Variants in TENM2 observed in about 807,000 individuals in gnomAD.
TENM2 encodes teneurin-2.
TENM2 carries 52 observed loss-of-function variants against 245.2 expected under a neutral mutation model. That is an observed-to-expected ratio of 0.21 (90% CI 0.17 to 0.27). The LOEUF is 0.27. TENM2 is among the 10% of genes least tolerant of loss of function. TENM2 has a pLI of 1.00. For synonymous variants in TENM2, 1,363 were observed against 1,438.9 expected, an observed-to-expected ratio of 0.95 and a Z score of 1.19; for missense variants, 3,046 against 3,666.8, an observed-to-expected ratio of 0.83 and a Z score of 4.37.
chr5:167,769,961 G>T (rs978566297), intron 2 of TENM2, among the ~76,000 whole-genome samples: 4 of 152,066 alleles, frequency 2.6e-5, no homozygotes, highest in African/African-American at 4.8e-5. Context: ...ATTCACAATT[G>T]TATGGCTAGA....
At chr5:167,721,264 T>G (rs1240704617) in intron 2 of TENM2, 1 of 151,632 alleles carries the variant, frequency 6.6e-6, no homozygotes, top group Non-Finnish European at 1.5e-5. Flanking sequence ...AAAAAAAAAA[T>G]GATGAGGATT....
chr5:167,862,344 T>C (rs1028377089), intron 2 of TENM2, among the ~76,000 whole-genome samples: 3 of 152,154 alleles, frequency 2.0e-5, no homozygotes, highest in Admixed American at 2.0e-4. Flanking sequence ...ACATCTTCAT[T>C]ATCCAGCATA....
chr5:167,880,490 A>G (rs1773790296), intron 3 of TENM2, among the ~76,000 whole-genome samples: 1 of 152,098 alleles, frequency 6.6e-6, no homozygotes, highest in African/African-American at 2.4e-5. Context: ...CCTAGCAACC[A>G]AAGCAAAAAG....
intron 5 of TENM2, among the ~76,000 whole-genome samples, chr5:168,038,681 G>A (rs917663474): frequency 6.6e-6 from 1 of 152,224 alleles, no homozygotes; most frequent in Admixed American, 6.5e-5. Context: ...CTTATGCATA[G>A]TTGTGCAGAA....
intron 2 of TENM2, among the ~76,000 whole-genome samples, chr5:167,870,734 AT>A (rs1423235990): frequency 4.7e-5 from 7 of 150,164 alleles, no homozygotes; most frequent in Admixed American, 6.6e-5. Context: ...ATGTGTGATA[AT>A]GAGGTCATTG....
intron 2 of TENM2, among the ~76,000 whole-genome samples, chr5:167,594,182 A>G (rs1776052450): frequency 6.6e-6 from 1 of 152,180 alleles, no homozygotes; most frequent in Non-Finnish European, 1.5e-5. Flanking sequence ...TGCACCCACT[A>G]CTAAAATTAA....
intron 21 of TENM2, 146 bp from the exon 24 acceptor site, chr5:168,216,622 G>A: frequency 1.4e-6 from 1 of 727,306 alleles, no homozygotes; most frequent in Non-Finnish European, 2.3e-6. Flanking sequence ...TTAGAAGGCT[G>A]AGAACCACTG....
chr5:167,884,341 C>G (rs1302088503), intron 3 of TENM2, among the ~76,000 whole-genome samples: 2 of 152,152 alleles, frequency 1.3e-5, no homozygotes, highest in African/African-American at 4.8e-5. Flanking sequence ...GCAACCATCA[C>G]CACCATCCAC....
chr5:167,671,466 C>T (rs1186932101), intron 2 of TENM2, among the ~76,000 whole-genome samples: 2 of 152,072 alleles, frequency 1.3e-5, no homozygotes, highest in Admixed American at 6.6e-5. Flanking sequence ...CAGACTGGGC[C>T]CCACTGCAAG....
chr5:168,158,499 A>G (rs1757393637), intron 12 of TENM2, among the ~76,000 whole-genome samples: 2 of 152,022 alleles, frequency 1.3e-5, no homozygotes, highest in African/African-American at 4.8e-5. Context: ...ATGGGGGTTT[A>G]TGTCTAGGGC....
intron 25 of TENM2, among the ~76,000 whole-genome samples, chr5:168,239,385 G>C (rs1296183419): frequency 6.6e-6 from 1 of 152,122 alleles, no homozygotes; most frequent in African/African-American, 2.4e-5. Flanking sequence ...CCAGGGATAT[G>C]GTAAATTTGC....
chr5:168,096,885 AAT>A (rs1353612996), intron 8 of TENM2, among the ~76,000 whole-genome samples: 10 of 152,234 alleles, frequency 6.6e-5, no homozygotes, highest in African/African-American at 9.6e-5. Context: ...ATTTTTAAAG[AAT>A]ATGACTATTT....
rs775650517 is a variant in TENM2 at position 168,247,639 on chromosome 5, T to C, written c.6700T>C (p.Leu2234=). The C allele has an allele frequency of 6.2e-7, 1 of 1,613,918 alleles. No homozygotes were observed. Among genetic ancestry groups the C allele is most frequent in the Admixed American group, 1.7e-5 (1 of 60,024 alleles). The change falls in exon 27 of 29, where the codon TTA becomes CTA. Residue 2234 remains leucine, a synonymous_variant. Coordinates refer to ENST00000518659, the Ensembl canonical transcript of TENM2. The surrounding 1 kb of genome is among the most constrained non-coding windows in gnomAD (Gnocchi z 7.8). ...CTATGACCTTAATGGGAATCTCCACTTACTGAACCCAGGCAACAGTGTGCG... is the reference window on the plus strand; with the variant it reads ...CTATGACCTTAATGGGAATCTCCACCTACTGAACCCAGGCAACAGTGTGCG...
intron 1 of TENM2, among the ~76,000 whole-genome samples, chr5:167,313,040 T>C (rs1389545029): frequency 2.0e-5 from 3 of 151,942 alleles, no homozygotes; most frequent in African/African-American, 4.8e-5. Flanking sequence ...GTAGCTGGGA[T>C]TACAGGCACG....
At chr5:167,081,531 G>C in the TENM2 span, among the ~76,000 whole-genome samples, 2 of 152,160 alleles carry the variant, frequency 1.3e-5, no homozygotes, top group African/African-American at 4.8e-5. Flanking sequence ...TCAGAGGAAA[G>C]AGTTATTGTA....
At chr5:167,005,922 A>G in the TENM2 span, among the ~76,000 whole-genome samples, 1 of 151,878 alleles carries the variant, frequency 6.6e-6, no homozygotes, top group African/African-American at 2.4e-5. Context: ...GGCCTCCTAT[A>G]GTGCTGGGAT....
At chr5:168,123,684 G>T (rs919319779) in intron 10 of TENM2, among the ~76,000 whole-genome samples, 2 of 152,200 alleles carry the variant, frequency 1.3e-5, no homozygotes, top group African/African-American at 4.8e-5. Context: ...TTTGGAAGCC[G>T]TGAAAACGGG....
intron 5 of TENM2, among the ~76,000 whole-genome samples, chr5:168,014,109 G>A (rs1785476349): frequency 6.6e-6 from 1 of 152,136 alleles, no homozygotes; most frequent in South Asian, 2.1e-4. Flanking sequence ...AGCTATTGGA[G>A]GTTAGAACTT....
At chr5:167,228,288 C>T in the TENM2 span, among the ~76,000 whole-genome samples, 1 of 152,002 alleles carries the variant, frequency 6.6e-6, no homozygotes, top group South Asian at 2.1e-4. Context: ...TTTCAGCTTC[C>T]CAAAGTGCTG....
Sources: gnomAD v4.1 joint callset for allele counts (sites outside exome capture counted in the v4.1 genomes callset) on GRCh38, gnomAD v4.1.1 for gene constraint, Gnocchi (gnomAD v3.1) non-coding constraint, MANE v1.5 for transcripts, NCBI Gene and HGNC (gene_info 2026-07-23, HGNC 2026-07-21) for gene names.